The following CREB3L1 variants were observed in gnomAD, a reference collection of about 807,000 sequenced individuals.
The protein encoded by CREB3L1 is cyclic AMP-responsive element-binding protein 3-like protein 1.
Under a neutral mutation model 54.5 loss-of-function variants are expected in CREB3L1, and 33 were observed. The ratio of observed to expected loss-of-function variants is 0.61; its 90% CI spans 0.46 to 0.81. CREB3L1 has a LOEUF of 0.81. CREB3L1 is among the 30% of genes least tolerant of loss of function. The pLI is 0.00. For synonymous variants in CREB3L1, 284 were observed against 286.4 expected, an observed-to-expected ratio of 0.99 and a Z score of 0.08; for missense variants, 656 against 673.3, an observed-to-expected ratio of 0.97 and a Z score of 0.29.
intron 5 of CREB3L1, among the ~76,000 whole-genome samples, chr11:46,311,489 G>T (rs964602762): frequency 4.6e-5 from 7 of 151,548 alleles, no homozygotes; most frequent in African/African-American, 1.7e-4. Context: ...ACTTGCCACC[G>T]TGTCTGGCTT....
At chr11:46,320,597 C>A in intron 11 of CREB3L1, 69 bp downstream of exon 11, 1 of 1,546,382 alleles carries the variant, frequency 6.5e-7, no homozygotes, top group East Asian at 2.4e-5. Flanking sequence ...CCCTTGGTCC[C>A]CACATTGGCC....
rs891692942 is a variant in CREB3L1 at position 46,311,137 on chromosome 11, T to C, written c.701T>C (p.Met234Thr). The C allele has an allele frequency of 1.9e-6, 3 of 1,605,030 alleles. No homozygotes were observed. The African/African-American group carries it at 4.0e-5, about 21-fold the overall frequency. ...SLPPSSPVRP[M>T]ARSSTAISTS... ...CCCCCCTCCAGCCCTGTCAGGCCCA[T>C]GGCGCGCTCCTCCACGGCCATCTCC... The change falls in exon 5 of 12, where the codon ATG becomes ACG. Residue 234 changes from methionine to threonine, a missense_variant. By Grantham distance (81) the Met-to-Thr change is moderately conservative. Around this residue, in one of 3 missense-constraint regions of CREB3L1, gnomAD observed 339 missense variants for 331.5 expected, o/e 1.02. Transcript: ENST00000621158.
chr11:46,318,704 TC>T (rs1402502982), intron 10 of CREB3L1, among the ~76,000 whole-genome samples: 2 of 152,128 alleles, frequency 1.3e-5, no homozygotes, highest in African/African-American at 4.8e-5. Context: ...TTCCTGGCTG[TC>T]CCTCATCACT....
chr11:46,308,147 C>T (rs1442081655), intron 3 of CREB3L1, 147 bp downstream of exon 3: 12 of 728,872 alleles, frequency 1.6e-5, no homozygotes, highest in Non-Finnish European at 2.2e-5. Context: ...CCCCGCCCAG[C>T]CCAGGCCTCC....
At chr11:46,314,122 C>T (rs974487070) in intron 8 of CREB3L1, among the ~76,000 whole-genome samples, 13 of 151,692 alleles carry the variant, frequency 8.6e-5, no homozygotes, top group African/African-American at 3.1e-4. Context: ...CCTGTAATCC[C>T]AGCTACTCAG....
At chr11:46,309,943 ACAGACCCAGGGG>A (rs1939459047) in intron 3 of CREB3L1, 34 bp from the exon 4 acceptor site, 1 of 1,491,418 alleles carries the variant, frequency 6.7e-7, no homozygotes, top group East Asian at 2.4e-5. Flanking sequence ...CATGGTGGGG[ACAGACCCAGGGG>A]CAGCTAATGG....
chr11:46,308,933 G>A (rs149674642), intron 3 of CREB3L1, among the ~76,000 whole-genome samples: 52 of 152,222 alleles, frequency 3.4e-4, no homozygotes, highest in Non-Finnish European at 6.2e-4. Flanking sequence ...AGCAGCCAGG[G>A]AAGAGGAGAC....
chr11:46,282,902 T>C (rs969918247), intron 1 of CREB3L1, among the ~76,000 whole-genome samples: 1 of 152,168 alleles, frequency 6.6e-6, no homozygotes, highest in Non-Finnish European at 1.5e-5. Context: ...AAATTTCCAA[T>C]TATGTTCCTT....
intron 2 of CREB3L1, 25 bp downstream of exon 2, chr11:46,300,188 C>A: frequency 6.4e-7 from 1 of 1,560,926 alleles, no homozygotes; most frequent in Non-Finnish European, 8.8e-7. Context: ...AACCTGGGGA[C>A]AGCACAGGCC....
Position 46,316,289 on chromosome 11 carries a change from C to G in CREB3L1, c.1035C>G (p.Thr345=), listed in dbSNP as rs1452147783. 4 of 1,560,198 alleles carry G rather than the reference C, an allele frequency of 2.6e-6. No homozygotes were observed. The highest frequency in any genetic ancestry group is 1.7e-6 in the Non-Finnish European group (2 of 1,151,794). Residue 345 remains threonine (T), a synonymous_variant, in exon 9 of 12, where the codon ACC becomes ACG. Coordinates refer to ENST00000621158, the MANE Select transcript of CREB3L1 (RefSeq NM_052854.4). Reference sequence around the variant, plus strand: ...CTGACTGCTGTGCCCTCCTCAGGACCCTGCTCCAGCAGCTGCAGAAACTCC... The same window carrying G: ...CTGACTGCTGTGCCCTCCTCAGGACGCTGCTCCAGCAGCTGCAGAAACTCC... ...KVETLENANR[T]LLQQLQKLQT... is the part of the protein sequence containing the mutation.
At chr11:46,287,014 G>C (rs1349709106) in intron 1 of CREB3L1, among the ~76,000 whole-genome samples, 3 of 152,114 alleles carry the variant, frequency 2.0e-5, no homozygotes, top group Non-Finnish European at 4.4e-5. Context: ...CAGACAGTGG[G>C]TCCACAGGTC....
rs1359525493 is a variant in CREB3L1 at position 46,280,193 on chromosome 11, T to TTTG, written c.102+1982_102+1983insGTT. ...CTTGTTTTTTTTTTTGTTTTTTGTT[T>TTTG]TTTGTTTTTTTTCAGACGGAGTCTT... On this transcript the variant is annotated intron_variant, in intron 1 of 11. Transcript: ENST00000621158. Among the ~76,000 whole-genome samples, 577 of 143,656 alleles carry TTTG rather than the reference T, an allele frequency of 4.0e-3. 5 individuals carry two copies. The highest frequency in any genetic ancestry group is 0.015 in the African/African-American group (550 of 37,798). The allele number at this position is 143,656 out of a possible 152,430, so 94.2% of individuals were successfully genotyped here.
chr11:46,295,771 G>A lies in CREB3L1; in HGVS notation c.103-4164G>A, dbSNP rs370724885. Among the ~76,000 whole-genome samples the A allele has an allele frequency of 2.6e-4, 40 of 152,196 alleles. No individual in the cohort carries two copies. The highest frequency in any genetic ancestry group is 9.2e-4 in the African/African-American group (38 of 41,450). On this transcript the variant is annotated intron_variant, in intron 1 of 11. Transcript: ENST00000621158. This position sits in a 1 kb window ranked among gnomAD's most constrained non-coding sequence, Gnocchi z 4.6. ...AACCCTTTGTGGGCCGCTCCAGGAC[G>A]GCGGCACCCGGATCCTTCTCTAAAA... is the stretch of plus-strand genomic sequence containing the variant.
intron 1 of CREB3L1, among the ~76,000 whole-genome samples, chr11:46,288,148 C>T (rs143920651): frequency 0.02 from 3,013 of 152,028 alleles, 112 homozygotes; most frequent in African/African-American, 0.069. Flanking sequence ...AATGGCGCGA[C>T]CTCCACTCAC....
At chr11:46,279,704 A>G (rs73461870) in intron 1 of CREB3L1, among the ~76,000 whole-genome samples, 16,134 of 152,054 alleles carry the variant, frequency 0.11, 934 homozygotes, top group African/African-American at 0.15. Flanking sequence ...GGGGATCCAC[A>G]CCTCCTCTTG....
chr11:46,297,611 A>T (rs1183199659), intron 1 of CREB3L1, among the ~76,000 whole-genome samples: 5 of 152,238 alleles, frequency 3.3e-5, no homozygotes, highest in African/African-American at 9.6e-5. Flanking sequence ...GATAATTGTG[A>T]AGATTAAATG....
chr11:46,315,142 TTTTCCTTC>T (rs1939547300), intron 8 of CREB3L1: 1 of 272,526 alleles, frequency 3.7e-6, no homozygotes, highest in Admixed American at 5.0e-5. Context: ...ACACAAGACT[TTTTCCTTC>T]TTTCCTTCCT....
intron 2 of CREB3L1, among the ~76,000 whole-genome samples, chr11:46,301,169 C>CA (rs774422040): frequency 1.6e-3 from 205 of 130,750 alleles, no homozygotes; most frequent in South Asian, 2.4e-3. Flanking sequence ...AACTCCGTCT[C>CA]AAAAAAAAAA....
chr11:46,308,578 G>A (rs1283049851), intron 3 of CREB3L1, among the ~76,000 whole-genome samples: 5 of 152,290 alleles, frequency 3.3e-5, no homozygotes, highest in Middle Eastern at 3.4e-3. Flanking sequence ...GTCCCAACTC[G>A]GTGCCTCCTT....
Sources: allele counts gnomAD v4.1 joint callset (sites outside exome capture counted in the v4.1 genomes callset), GRCh38; gene constraint gnomAD v4.1.1; regional missense constraint gnomAD v4.1.1; non-coding constraint Gnocchi (gnomAD v3.1); transcripts MANE v1.5; gene names NCBI Gene and HGNC (gene_info 2026-07-23, HGNC 2026-07-21).